Variants in FAT3 observed in about 807,000 individuals in gnomAD.
FAT3 encodes the protein FAT atypical cadherin 3.
Under a neutral mutation model 310.2 loss-of-function variants are expected in FAT3, and 95 were observed. That is an observed-to-expected ratio of 0.31 (90% CI 0.26 to 0.36). The LOEUF (loss-of-function observed/expected upper bound fraction) is 0.36. Among genes scored for constraint, FAT3 ranks in the 10% least tolerant of loss-of-function variants. The probability of loss-of-function intolerance (pLI) is 1.00; values close to 1 mark genes in which losing one functional copy is unlikely to be tolerated. For missense variants in FAT3, 5,408 were observed against 5,715.6 expected (o/e 0.95, Z 1.74); for synonymous variants, 2,314 against 2,192.9 (o/e 1.06, Z -1.54).
rs761881531 is a variant in FAT3 at position 92,805,141 on chromosome 11, T to C, written c.8897-12T>C. 6.2e-7 allele frequency: 1 copy of C among 1,601,018 alleles called. No individual in the cohort carries two copies. The highest frequency in any genetic ancestry group is 1.7e-5 in the Admixed American group (1 of 57,870). On this transcript the variant is annotated splice_polypyrimidine_tract_variant and intron_variant, in intron 10 of 27. Coordinates refer to ENST00000525166, the MANE Select transcript of FAT3 (RefSeq NM_001367949.2). ...CACATCTTCAAAAGCTCTTTTGTTT[T>C]TTTAACTGCAGGAGGAAACCCTCGA... is the stretch of plus-strand genomic sequence containing the variant.
At position 92,319,463 on chromosome 11, in the gene FAT3, TTCAAC is replaced by T. The variant is rs1426789800; in HGVS notation, c.-17-32629_-17-32625del. The stretch of plus-strand genomic sequence containing the variant: ...TAAGGCAACAATAAACCATTGTTTC[TTCAAC>T]TCATGTTTTAAAAAGTCATTATAAA... On this transcript the variant is annotated intron_variant, in intron 1 of 27. Coordinates refer to ENST00000525166, the MANE Select transcript of FAT3 (RefSeq NM_001367949.2). Among the ~76,000 whole-genome samples, 4 of 152,366 alleles carry T rather than the reference TTCAAC, an allele frequency of 2.6e-5. No homozygotes were observed. The East Asian group carries it at 7.7e-4, about 29-fold the overall frequency.
chr11:92,255,753 T>A (rs1046429909), intron 1 of FAT3, among the ~76,000 whole-genome samples: 1 of 151,994 alleles, frequency 6.6e-6, no homozygotes, highest in Non-Finnish European at 1.5e-5. Context: ...TGAAACAGAG[T>A]CTGGCGCAAG....
chr11:92,257,842 A>G (rs947937), intron 1 of FAT3, among the ~76,000 whole-genome samples: 96,718 of 151,946 alleles, frequency 0.64, 31,859 homozygotes, highest in African/African-American at 0.82. Flanking sequence ...TTACTTTTCC[A>G]TGGACTGTAA....
intron 23 of FAT3, 30 bp downstream of exon 23, chr11:92,880,914 T>C: frequency 6.2e-7 from 1 of 1,604,298 alleles, no homozygotes; most frequent in South Asian, 1.1e-5. Context: ...TGTCTTTCTC[T>C]ACACTGTTCT....
chr11:92,890,191 G>C (rs1949884833), intron 27 of FAT3, among the ~76,000 whole-genome samples: 1 of 152,212 alleles, frequency 6.6e-6, no homozygotes, highest in African/African-American at 2.4e-5. Flanking sequence ...TGTCTAGGAA[G>C]AGGGAGTGGG....
chr11:92,731,318 A>C (rs1177072235), intron 4 of FAT3, among the ~76,000 whole-genome samples: 1 of 152,194 alleles, frequency 6.6e-6, no homozygotes, highest in African/African-American at 2.4e-5. Context: ...TCACAATAGC[A>C]GAGAGCAGGT....
intron 3 of FAT3, among the ~76,000 whole-genome samples, chr11:92,610,374 T>C (rs897551222): frequency 5.3e-5 from 8 of 152,226 alleles, no homozygotes; most frequent in African/African-American, 1.9e-4. Context: ...CAAACAGGTT[T>C]GTGTTTTATC....
chr11:92,756,017 A>C (rs1194685182), intron 4 of FAT3, among the ~76,000 whole-genome samples: 2 of 152,262 alleles, frequency 1.3e-5, no homozygotes, highest in Non-Finnish European at 2.9e-5. Context: ...TGAACAAAAT[A>C]GATGAAAATT....
intron 3 of FAT3, among the ~76,000 whole-genome samples, chr11:92,558,271 G>T (rs1200561012): frequency 6.6e-6 from 1 of 151,640 alleles, no homozygotes; most frequent in East Asian, 1.9e-4. Context: ...GTTTATTTAG[G>T]TAAGAGGGAA....
Position 92,774,068 on chromosome 11 carries a change from C to T in FAT3, c.4223C>T (p.Ala1408Val). 1.9e-6 allele frequency: 3 copies of T among 1,613,036 alleles called. No individual in the cohort carries two copies. The highest frequency in any genetic ancestry group is 2.2e-5 in the East Asian group (1 of 44,862). ...GGGAATTTTGACAGCGCTTTTGATG[C>T]AGAGAAGGGTGTTGGGACAATTGTC... ...VGGNFDSAFD[A>V]EKGVGTIVIA... Residue 1408 changes from alanine to valine, a missense_variant, in exon 7 of 28, where the codon GCA (alanine) becomes GTA (valine). Physicochemically the swap from Ala to Val is moderately conservative, Grantham distance 64. Transcript: ENST00000525166.
intron 3 of FAT3, among the ~76,000 whole-genome samples, chr11:92,547,696 C>T (rs1954659816): frequency 6.6e-6 from 1 of 152,148 alleles, no homozygotes; most frequent in Admixed American, 6.5e-5. Context: ...ACACTCTGCT[C>T]TGTCCCTCAT....
At chr11:92,491,797 C>T (rs1565357978) in intron 2 of FAT3, among the ~76,000 whole-genome samples, 2 of 152,054 alleles carry the variant, frequency 1.3e-5, no homozygotes, top group African/African-American at 4.8e-5. Context: ...GAGAGTCATG[C>T]AGAGACTACT....
intron 1 of FAT3, chr11:92,336,234 C>G (rs753037888): frequency 1.2e-4 from 65 of 565,094 alleles, no homozygotes; most frequent in Middle Eastern, 3.2e-4. Flanking sequence ...GAAGACAACT[C>G]ACATGTTCCA....
intron 7 of FAT3, among the ~76,000 whole-genome samples, chr11:92,774,761 C>T (rs376870482): frequency 6.6e-6 from 1 of 152,066 alleles, no homozygotes; most frequent in South Asian, 2.1e-4. Context: ...TAAAAGCACC[C>T]GTGGCTGGAC....
chr11:92,297,966 C>G (rs1161283471), intron 1 of FAT3, among the ~76,000 whole-genome samples: 1 of 152,092 alleles, frequency 6.6e-6, no homozygotes, highest in Non-Finnish European at 1.5e-5. Flanking sequence ...ACATAATAAA[C>G]CAGCATTGGC....
chr11:92,785,980 A>T (rs557093638), intron 7 of FAT3, among the ~76,000 whole-genome samples: 1 of 152,300 alleles, frequency 6.6e-6, no homozygotes, highest in African/African-American at 2.4e-5. Flanking sequence ...GAGAAGTCAG[A>T]TAAACCAATG....
chr11:92,530,696 T>A (rs1346258122), intron 3 of FAT3, among the ~76,000 whole-genome samples: 2 of 152,086 alleles, frequency 1.3e-5, no homozygotes, highest in East Asian at 3.9e-4. Context: ...CTTTAATGAA[T>A]CAACAAACAT....
chr11:92,422,505 A>T (rs113514499), intron 2 of FAT3, among the ~76,000 whole-genome samples: 196 of 152,240 alleles, frequency 1.3e-3, no homozygotes, highest in African/African-American at 4.6e-3. Flanking sequence ...TGAAGGCCCT[A>T]TGAAGGGAAT....
At chr11:92,696,415 T>C (rs1319635764) in intron 3 of FAT3, among the ~76,000 whole-genome samples, 2 of 152,128 alleles carry the variant, frequency 1.3e-5, no homozygotes, top group Non-Finnish European at 2.9e-5. Context: ...ACCACTTCTG[T>C]ATAAGACAGA....
Sources: gnomAD v4.1 joint callset for allele counts (sites outside exome capture counted in the v4.1 genomes callset) on GRCh38, gnomAD v4.1.1 for gene constraint, MANE v1.5 for transcripts, NCBI Gene and HGNC (gene_info 2026-07-23, HGNC 2026-07-21) for gene names.